WDR27: variants seen among roughly 807,000 people sequenced by gnomAD.
WDR27 encodes the protein WD repeat domain 27, also known as WD repeat-containing protein 27.
In WDR27, 100 loss-of-function variants were observed where a neutral mutation model predicts 114.4. The observed-to-expected ratio is 0.87, with a 90% CI of 0.74 to 1.03. WDR27 has a LOEUF of 1.03. WDR27 is among the 50% of genes least tolerant of loss of function. The pLI is 0.00. For missense variants in WDR27, 1,129 were observed against 1,092.9 expected, an observed-to-expected ratio of 1.03 and a Z score of -0.47; for synonymous variants, 449 against 423.1, an observed-to-expected ratio of 1.06 and a Z score of -0.75.
At position 169,613,552 on chromosome 6, in the gene WDR27, GCCTTACCTCAGGGT is replaced by G; in HGVS notation, c.2314_2321+6del. The G allele has an allele frequency of 6.2e-7, 1 of 1,612,922 alleles. No homozygotes were observed. Reference sequence around the variant, plus strand: ...CCCCTGCAGTGCAGGGCGCAGGACAGCCTTACCTCAGGGTTCTCAGGTCCCACAGTCTCATCCCA... The same window carrying G: ...CCCCTGCAGTGCAGGGCGCAGGACAGTCTCAGGTCCCACAGTCTCATCCCA... On this transcript the variant is annotated splice_donor_variant and splice_donor_5th_base_variant and coding_sequence_variant and intron_variant, in exon 22 of 26. Transcript: ENST00000448612. LOFTEE classifies it high-confidence loss of function.
In WDR27 at chr6:169,617,438, C is replaced by G. The variant is rs142953308; in HGVS notation, c.2224-3782G>C. On this transcript the variant is annotated intron_variant, in intron 21 of 25. Coordinates refer to ENST00000448612, the MANE Select transcript of WDR27 (RefSeq NM_182552.5). Reference sequence around the variant, plus strand: ...TTGTTCAGGGTGGAGTGCAATGGCACGATCTCAGCTCACTGCAACCTTCTC... The same window carrying G: ...TTGTTCAGGGTGGAGTGCAATGGCAGGATCTCAGCTCACTGCAACCTTCTC... 3.1e-3 allele frequency among the ~76,000 whole-genome samples: 477 copies of G among 152,272 alleles called. 5 individuals carry two copies. The highest frequency in any genetic ancestry group is 0.011 in the African/African-American group (453 of 41,548).
chr6:169,479,902 C>T (rs1459027542), intron 25 of WDR27, among the ~76,000 whole-genome samples: 5 of 152,184 alleles, frequency 3.3e-5, no homozygotes, highest in African/African-American at 4.8e-5. Context: ...CGCTTGCTCT[C>T]GGCACCTCCT....
chr6:169,516,571 A>T (rs556634993), intron 25 of WDR27, among the ~76,000 whole-genome samples: 2 of 152,236 alleles, frequency 1.3e-5, no homozygotes, highest in African/African-American at 4.8e-5. Context: ...GGGGAAGACG[A>T]TGTACAAACC....
At chr6:169,575,211 CATCCATCCATCCATCTCTCTCCCTCTCT>C (rs1802055549) in intron 24 of WDR27, among the ~76,000 whole-genome samples, 1 of 149,214 alleles carries the variant, frequency 6.7e-6, no homozygotes, top group Non-Finnish European at 1.5e-5. Flanking sequence ...TCCATCCACC[CATCCATCCATCCATCTCTCTCCCTCTCT>C]ATCCATCCAT....
In WDR27 at chr6:169,582,883, G is replaced by A. The variant is rs377595185; in HGVS notation, c.2476C>T (p.His826Tyr). Reference sequence around the variant, plus strand: ...GCCACTCCAGTGACAGTGTCTGTGTGCCCAGCCAGCCGGTGAGAAAACGTG... The same window carrying A: ...GCCACTCCAGTGACAGTGTCTGTGTACCCAGCCAGCCGGTGAGAAAACGTG... ...SSTFSHRLAG[H>Y]TDTVTGVAFN... Residue 826 changes from histidine to tyrosine, a missense_variant, in exon 24 of 26, where the codon CAC (histidine) becomes TAC (tyrosine). Transcript: ENST00000448612. 6.4e-5 allele frequency: 103 copies of A among 1,613,894 alleles called. No homozygotes were observed. The African/African-American group carries it at 9.5e-4, about 15-fold the overall frequency.
rs1432332771 is a variant in WDR27 at position 169,670,684 on chromosome 6, G to A, written c.341C>T (p.Pro114Leu). 2 of 1,613,984 alleles carry A rather than the reference G, an allele frequency of 1.2e-6. No individual in the cohort carries two copies. Among genetic ancestry groups the A allele is most frequent in the East Asian group, 2.2e-5 (1 of 44,876 alleles). The change falls in exon 4 of 26, where the codon CCT (proline) becomes CTT (leucine). Residue 114 changes from proline to leucine, a missense_variant. Transcript: ENST00000448612. ...AAGCGAGCCCATGACAGTCCCTCGA[G>A]GGACCAGCCCTAGAGTGAGTTTCAC... ...CREKVLQGLV[P>L]RGTVMGSLLG...
chr6:169,631,338 A>T (rs1009502073), intron 21 of WDR27, among the ~76,000 whole-genome samples: 3 of 151,894 alleles, frequency 2.0e-5, no homozygotes, highest in East Asian at 1.9e-4. Context: ...ACTCTCCCCA[A>T]GCTGATATTT....
intron 24 of WDR27, among the ~76,000 whole-genome samples, chr6:169,575,992 A>G (rs1444108615): frequency 6.6e-6 from 1 of 152,258 alleles, no homozygotes; most frequent in Non-Finnish European, 1.5e-5. Context: ...TTCCTGAAGA[A>G]GCGTTGCTAT....
At chr6:169,583,489 ATATATATATATATATG>A (rs1387959656) in intron 23 of WDR27, among the ~76,000 whole-genome samples, 6 of 8,040 alleles carry the variant, frequency 7.5e-4, no homozygotes, top group East Asian at 0.02. Flanking sequence ...GTATATATAC[ATATATATATATATATG>A]TATATATACA....
At chr6:169,609,990 G>A (rs1467696925) in intron 22 of WDR27, among the ~76,000 whole-genome samples, 2 of 152,174 alleles carry the variant, frequency 1.3e-5, no homozygotes, top group Non-Finnish European at 2.9e-5. Flanking sequence ...AATGCCATCA[G>A]TCTCTTTGCT....
In WDR27 at chr6:169,667,903, C is replaced by G. The variant is rs1488535219; in HGVS notation, c.660+79G>C. 2.9e-6 allele frequency: 4 copies of G among 1,381,604 alleles called. No homozygotes were observed. In the East Asian group the frequency reaches 1.0e-4, roughly 35 times the overall value. The allele number at this position is 1,381,604 out of a possible 1,614,324, so 85.6% of individuals were successfully genotyped here. A position where few individuals can be genotyped will look rare whatever the true frequency, so the allele number is the denominator to read the frequency against. ...CACTCAGGCGGCCGTGGCCGTGAAG[C>G]AACCGCACAGCTCCCGTCACCACAG... On this transcript the variant is annotated intron_variant, in intron 5 of 25. Transcript: ENST00000448612.
chr6:169,571,756 G>A (rs1562604252), intron 25 of WDR27, among the ~76,000 whole-genome samples: 1 of 152,182 alleles, frequency 6.6e-6, no homozygotes, highest in Non-Finnish European at 1.5e-5. Context: ...GAGCATCACT[G>A]GAGCCAGGGG....
chr6:169,659,827 C>T lies in WDR27; in HGVS notation c.1130-309G>A, dbSNP rs1825517523. On this transcript the variant is annotated intron_variant, in intron 10 of 25. Transcript: ENST00000448612. The surrounding 1 kb of genome is among the most constrained non-coding windows in gnomAD (Gnocchi z 4.3). The stretch of plus-strand genomic sequence containing the variant: ...CCTCCTGGAGAAGCCACATGTCCAG[C>T]ACCAGATCAGAAAGGAAATGTGTAA... Among the ~76,000 whole-genome samples the T allele has an allele frequency of 6.6e-6, 1 of 152,042 alleles. No homozygotes were observed. Among genetic ancestry groups the T allele is most frequent in the African/African-American group, 2.4e-5 (1 of 41,380 alleles).
At chr6:169,472,888 C>A (rs73789959) in intron 25 of WDR27, among the ~76,000 whole-genome samples, 2,491 of 152,206 alleles carry the variant, frequency 0.016, 68 homozygotes, top group African/African-American at 0.057. Flanking sequence ...TGGATTATAT[C>A]AGAGACAGCA....
intron 25 of WDR27, among the ~76,000 whole-genome samples, chr6:169,523,444 G>A (rs78955540): frequency 3.9e-5 from 6 of 152,020 alleles, no homozygotes; most frequent in Admixed American, 6.5e-5. Flanking sequence ...ATCCTATGAG[G>A]CCAGCATTAC....
In WDR27 at chr6:169,659,623, A is replaced by T. The variant is rs1406543467; in HGVS notation, c.1130-105T>A. ...CCACACACAGCCCAGAGCCCACCAC[A>T]CACAGTCCAGGCCCCACCACACACT... On this transcript the variant is annotated intron_variant, in intron 10 of 25. Coordinates refer to ENST00000448612, the MANE Select transcript of WDR27 (RefSeq NM_182552.5). The surrounding 1 kb of genome is among the most constrained non-coding windows in gnomAD (Gnocchi z 4.3). The T allele has an allele frequency of 2.8e-6, 3 of 1,085,986 alleles. No homozygotes were observed. The highest frequency in any genetic ancestry group is 4.1e-6 in the Non-Finnish European group (3 of 735,496). 67.3% of individuals were successfully genotyped at this position (1,085,986 alleles called of 1,614,324 possible). A position where few individuals can be genotyped will look rare whatever the true frequency, so the allele number is the denominator to read the frequency against.
chr6:169,526,376 G>C (rs983333408), intron 25 of WDR27, among the ~76,000 whole-genome samples: 8 of 152,164 alleles, frequency 5.3e-5, no homozygotes, highest in African/African-American at 1.9e-4. Context: ...AGTTTGGGAG[G>C]CCGAGGTAGG....
the WDR27 span, among the ~76,000 whole-genome samples, chr6:169,445,184 G>A: frequency 2.0e-5 from 3 of 152,200 alleles, no homozygotes; most frequent in East Asian, 3.9e-4. Flanking sequence ...ATTGTCACAC[G>A]TGCAGATGAT....
intron 8 of WDR27, among the ~76,000 whole-genome samples, chr6:169,662,813 T>C (rs12530078): frequency 3.0e-4 from 31 of 101,836 alleles, no homozygotes; most frequent in East Asian, 1.0e-3. Flanking sequence ...TCGGATCACG[T>C]GTCGAGGAAA....
Sources: gnomAD v4.1 joint callset for allele counts (sites outside exome capture counted in the v4.1 genomes callset) on GRCh38, gnomAD v4.1.1 for gene constraint, Gnocchi (gnomAD v3.1) non-coding constraint, MANE v1.5 for transcripts, NCBI Gene and HGNC (gene_info 2026-07-23, HGNC 2026-07-21) for gene names.